The following MECR variants were observed in gnomAD, a reference collection of about 807,000 sequenced individuals.
MECR encodes the protein mitochondrial trans-2-enoyl-CoA reductase.
Under a neutral mutation model 49.1 loss-of-function variants are expected in MECR, and 37 were observed. That is an observed-to-expected ratio of 0.75 (90% CI 0.58 to 0.99). The LOEUF (loss-of-function observed/expected upper bound fraction) is 0.99. MECR is among the 50% of genes least tolerant of loss of function. The pLI, the probability that MECR is intolerant of heterozygous loss-of-function variation, is 0.00. For missense variants in MECR, 470 were observed against 479.6 expected (o/e 0.98, Z 0.19); for synonymous variants, 198 against 191.1 (o/e 1.04, Z -0.30).
intron 1 of MECR, among the ~76,000 whole-genome samples, chr1:29,217,225 T>G (rs1325874652): frequency 2.0e-5 from 3 of 150,404 alleles, no homozygotes; most frequent in Non-Finnish European, 4.5e-5. Flanking sequence ...TTTTTTTTTT[T>G]TTTAGACAGA....
At chr1:29,215,204 C>T (rs1356363458) in intron 3 of MECR, among the ~76,000 whole-genome samples, 17 of 152,190 alleles carry the variant, frequency 1.1e-4, no homozygotes, top group Admixed American at 1.1e-3. Context: ...ATGGATTTTC[C>T]ACCATTTCCC....
At chr1:29,194,331 C>T in intron 9 of MECR, 152 bp from the exon 10 acceptor site, 1 of 818,766 alleles carries the variant, frequency 1.2e-6, no homozygotes, top group Non-Finnish European at 1.9e-6. Context: ...GCTGTGGAGG[C>T]AGCCTGGTCC....
Position 29,230,553 on chromosome 1 carries a change from T to C in MECR, c.176+178A>G, listed in dbSNP as rs1683169618. On this transcript the variant is annotated intron_variant, in intron 1 of 9. Coordinates refer to ENST00000263702, the MANE Select transcript of MECR (RefSeq NM_016011.5). ...TACCCTGATAATTGCCTCTCGGGTC[T>C]TCAGCTACCTTCAAGTACGGTCTTT... The C allele has an allele frequency of 1.4e-5, 9 of 662,538 alleles. No homozygotes were observed. The South Asian group carries it at 1.8e-4, about 13-fold the overall frequency. 41.0% of individuals were successfully genotyped at this position (662,538 alleles called of 1,614,324 possible).
intron 4 of MECR, among the ~76,000 whole-genome samples, chr1:29,204,382 G>A (rs189955363): frequency 3.3e-5 from 5 of 152,174 alleles, no homozygotes; most frequent in East Asian, 3.9e-4. Context: ...ATGCCCACTC[G>A]TCTTCACCAG....
At chr1:29,191,163 C>T (rs923638536), downstream of MECR, among the ~76,000 whole-genome samples, 8 of 152,178 alleles carry the variant, frequency 5.3e-5, no homozygotes, top group Non-Finnish European at 5.9e-5. Flanking sequence ...GCATTCTGCA[C>T]GTTCCTCCAG....
intron 3 of MECR, among the ~76,000 whole-genome samples, chr1:29,214,581 T>TG (rs1169533613): frequency 8.7e-6 from 1 of 114,328 alleles, no homozygotes; most frequent in African/African-American, 3.5e-5. Flanking sequence ...AGGCTAGTCT[T>TG]GAACTCCTGA....
At chr1:29,204,259 G>T (rs1453703417) in intron 4 of MECR, among the ~76,000 whole-genome samples, 1 of 151,816 alleles carries the variant, frequency 6.6e-6, no homozygotes, top group Non-Finnish European at 1.5e-5. Context: ...CAAATGCATC[G>T]TGTCCGGGAA....
the MECR span, among the ~76,000 whole-genome samples, chr1:29,174,600 G>C: frequency 4.7e-5 from 7 of 149,580 alleles, no homozygotes; most frequent in African/African-American, 1.7e-4. Context: ...ATAACTTATA[G>C]TATGATTCCA....
chr1:29,199,671 T>A (rs12030745), intron 7 of MECR, among the ~76,000 whole-genome samples: 17,452 of 151,666 alleles, frequency 0.12, 1,365 homozygotes, highest in East Asian at 0.41. Flanking sequence ...CAGGCTGGAG[T>A]AGAGTGGTGT....
chr1:29,230,808 G>A lies in MECR; in HGVS notation c.99C>T (p.Ser33=), dbSNP rs34099261. The change falls in exon 1 of 10, where the codon TCC becomes TCT. Residue 33 remains serine, a synonymous_variant. Coordinates refer to ENST00000263702, the MANE Select transcript of MECR (RefSeq NM_016011.5). ...GGGCAGGCTCGGCGGATGCGGAGTAGGAGGAGGCGGCAGGTCCGTGACAGC... is the reference window on the plus strand; with the variant it reads ...GGGCAGGCTCGGCGGATGCGGAGTAAGAGGAGGCGGCAGGTCCGTGACAGC... ...ASGCHGPAAS[S]YSASAEPARV... is the part of the protein sequence containing the mutation. 6.8e-6 allele frequency: 11 copies of A among 1,608,068 alleles called. No individual in the cohort carries two copies. Among genetic ancestry groups the A allele is most frequent in the Non-Finnish European group, 9.3e-6 (11 of 1,178,182 alleles).
rs1277644709 is a variant in MECR at position 29,203,150 on chromosome 1, T to C, written c.634A>G (p.Ile212Val). 3 of 1,579,938 alleles carry C rather than the reference T, an allele frequency of 1.9e-6. No homozygotes were observed. The highest frequency in any genetic ancestry group is 2.6e-6 in the Non-Finnish European group (3 of 1,159,392). Residue 212 changes from isoleucine to valine, a missense_variant, in exon 5 of 10, where the codon ATC (isoleucine) becomes GTC (valine). By Grantham distance (29) the Ile-to-Val change is conservative. Transcript: ENST00000263702. ...QIAAALGLRT[I>V]NVVRDRPDIQ... Reference sequence around the variant, plus strand: ...ACGCACCTGTCTCGGACCACATTGATGGTTCTTAGGCCCAGGGCTGCGGCG... The same window carrying C: ...ACGCACCTGTCTCGGACCACATTGACGGTTCTTAGGCCCAGGGCTGCGGCG...
At chr1:29,173,169 G>C in the MECR span, 1 of 106,386 alleles carries the variant, frequency 9.4e-6, no homozygotes, top group Non-Finnish European at 1.7e-5. Flanking sequence ...ACAGAGTCTT[G>C]CTCTGTCATC....
chr1:29,218,526 C>T (rs949866082), intron 1 of MECR, among the ~76,000 whole-genome samples: 4 of 152,196 alleles, frequency 2.6e-5, no homozygotes, highest in Admixed American at 6.5e-5. Context: ...GAAATCTGAC[C>T]TTTTAATTAT....
At chr1:29,190,798 T>TAAAA (rs1196883134), downstream of MECR, among the ~76,000 whole-genome samples, 1 of 74,334 alleles carries the variant, frequency 1.3e-5, no homozygotes, top group Non-Finnish European at 2.9e-5. Flanking sequence ...TCTCTCCAAA[T>TAAAA]AAAAAAAAAA....
Position 29,202,038 on chromosome 1 carries a change from T to G in MECR, c.661A>C (p.Ile221Leu), listed in dbSNP as rs749985174. 3.1e-6 allele frequency: 5 copies of G among 1,614,160 alleles called. No homozygotes were observed. The South Asian group carries it at 5.5e-5, about 18-fold the overall frequency. The stretch of plus-strand genomic sequence containing the variant: ...TTCAGTCTGTCACTCAGCTTCTGGA[T>G]ATCAGGTCTGGAAACCAAACATAGG... Reference protein sequence around the residue: ...TINVVRDRPDIQKLSDRLKSL... With the variant: ...TINVVRDRPDLQKLSDRLKSL... Residue 221 changes from isoleucine (I) to leucine (L), a missense_variant, in exon 6 of 10, where the codon ATC becomes CTC. Coordinates refer to ENST00000263702, the MANE Select transcript of MECR (RefSeq NM_016011.5).
At chr1:29,184,138 A>G in the MECR span, among the ~76,000 whole-genome samples, 2 of 147,016 alleles carry the variant, frequency 1.4e-5, no homozygotes, top group African/African-American at 5.0e-5. Flanking sequence ...TCGGCCTCCC[A>G]GAGTGCTGGG....
At chr1:29,208,164 T>C (rs1367018139) in intron 3 of MECR, among the ~76,000 whole-genome samples, 1 of 152,142 alleles carries the variant, frequency 6.6e-6, no homozygotes, top group Non-Finnish European at 1.5e-5. Flanking sequence ...GGCTAATTTT[T>C]GTATTTTTAG....
Position 29,194,272 on chromosome 1 carries a change from C to G in MECR, c.965-93G>C, listed in dbSNP as rs1673433071. ...CTGCCCTATGGGCAGGAGCTGGCAC[C>G]AAGCTCCAATAAAGCCTTGAGAGTC... is the stretch of plus-strand genomic sequence containing the variant. On this transcript the variant is annotated intron_variant, in intron 9 of 9. Coordinates refer to ENST00000263702, the MANE Select transcript of MECR (RefSeq NM_016011.5). The G allele has an allele frequency of 4.3e-6, 6 of 1,379,916 alleles. No homozygotes were observed. The Admixed American group carries it at 1.4e-4, about 31-fold the overall frequency. The allele number at this position is 1,379,916 out of a possible 1,614,324, so 85.5% of individuals were successfully genotyped here.
chr1:29,210,789 T>G (rs1677807743), intron 3 of MECR, among the ~76,000 whole-genome samples: 1 of 152,248 alleles, frequency 6.6e-6, no homozygotes, highest in South Asian at 2.1e-4. Flanking sequence ...TCACTTCACC[T>G]TTTTTGAGTT....
Sources: allele counts gnomAD v4.1 joint callset (sites outside exome capture counted in the v4.1 genomes callset), GRCh38; gene constraint gnomAD v4.1.1; transcripts MANE v1.5; gene names NCBI Gene and HGNC (gene_info 2026-07-23, HGNC 2026-07-21).